Variants in KCNIP1 observed in about 807,000 individuals in gnomAD.
KCNIP1 encodes potassium voltage-gated channel interacting protein 1.
KCNIP1 carries 18 observed loss-of-function variants against 33.0 expected under a neutral mutation model. The observed-to-expected ratio is 0.55, with a 90% confidence interval of 0.38 to 0.81. The LOEUF (loss-of-function observed/expected upper bound fraction) is 0.81, where lower values mean the gene tolerates loss of function less well. Among genes scored for constraint, KCNIP1 ranks in the 30% least tolerant of loss-of-function variants. The pLI, the probability that KCNIP1 is intolerant of heterozygous loss-of-function variation, is 0.00. For synonymous variants in KCNIP1, 93 were observed against 98.3 expected, an observed-to-expected ratio of 0.95 and a Z score of 0.32; for missense variants, 238 against 271.6, an observed-to-expected ratio of 0.88 and a Z score of 0.87.
intron 1 of KCNIP1, among the ~76,000 whole-genome samples, chr5:170,666,325 T>A (rs1217822344): frequency 6.6e-6 from 1 of 152,138 alleles, no homozygotes; most frequent in Non-Finnish European, 1.5e-5. Context: ...TTTGTGTGTG[T>A]TTGCGTGTGT....
At chr5:170,378,647 T>A in intron 1 of KCNIP1, 1 of 1,532,442 alleles carries the variant, frequency 6.5e-7, no homozygotes, top group South Asian at 1.3e-5. Flanking sequence ...GGAGCAGCCC[T>A]GGGGGCCCAG....
intron 1 of KCNIP1, among the ~76,000 whole-genome samples, chr5:170,555,200 C>T (rs183464892): frequency 2.0e-4 from 31 of 152,244 alleles, no homozygotes; most frequent in African/African-American, 7.5e-4. Flanking sequence ...CTCAGGAGAT[C>T]GCAGGCGGGC....
At chr5:170,580,374 C>T (rs925451088) in intron 1 of KCNIP1, among the ~76,000 whole-genome samples, 1 of 152,214 alleles carries the variant, frequency 6.6e-6, no homozygotes, top group Admixed American at 6.5e-5. Context: ...TCTTAGCCAA[C>T]TTCATCCTTG....
At chr5:170,631,769 G>T (rs1232142514) in intron 1 of KCNIP1, among the ~76,000 whole-genome samples, 1 of 152,192 alleles carries the variant, frequency 6.6e-6, no homozygotes, top group African/African-American at 2.4e-5. Context: ...TCTCCCAGGG[G>T]CCTCTGGGCT....
At chr5:170,637,705 TCTC>T (rs746783869) in intron 1 of KCNIP1, among the ~76,000 whole-genome samples, 11 of 152,056 alleles carry the variant, frequency 7.2e-5, no homozygotes, top group Non-Finnish European at 1.6e-4. Flanking sequence ...AGATAACAAC[TCTC>T]CTCTCCTTCC....
intron 1 of KCNIP1, among the ~76,000 whole-genome samples, chr5:170,610,660 A>G (rs1033379671): frequency 6.6e-6 from 1 of 152,240 alleles, no homozygotes; most frequent in Non-Finnish European, 1.5e-5. Context: ...TTCATGTATA[A>G]GAGGAAAATG....
rs1581425646 is a variant in KCNIP1 at position 170,634,562 on chromosome 5, A to G, written c.62-84196A>G. Among the ~76,000 whole-genome samples, 5 of 152,318 alleles carry G rather than the reference A, an allele frequency of 3.3e-5. 1 individual carries two copies. In the South Asian group the frequency reaches 6.2e-4, roughly 19 times the overall value. ...TGGCAAGAGATAGAATTTTGGAGTC[A>G]TTGGCACGGAAATCCACAAAACGAC... On this transcript the variant is annotated intron_variant, in intron 1 of 7. Transcript: ENST00000328939.
At chr5:170,437,776 C>A (rs1191710006) in intron 1 of KCNIP1, among the ~76,000 whole-genome samples, 4 of 152,232 alleles carry the variant, frequency 2.6e-5, no homozygotes, top group African/African-American at 9.6e-5. Context: ...TCTTCCCTCT[C>A]TCAGATGGAA....
At chr5:170,571,184 C>G (rs1757393749) in intron 1 of KCNIP1, among the ~76,000 whole-genome samples, 1 of 152,226 alleles carries the variant, frequency 6.6e-6, no homozygotes, top group East Asian at 1.9e-4. Context: ...CTCCCTCTTC[C>G]CCCACATTGT....
rs922098809 is a variant in KCNIP1 at position 170,583,183 on chromosome 5, G to T, written c.61+78550G>T. Among the ~76,000 whole-genome samples the T allele has an allele frequency of 2.0e-5, 3 of 152,124 alleles. No individual in the cohort carries two copies. The South Asian group carries it at 6.2e-4, about 32-fold the overall frequency. On this transcript the variant is annotated intron_variant, in intron 1 of 7. Transcript: ENST00000328939. ...GTGCTAAGTGCAGAGAAGGTCCAGC[G>T]CCCTGCCTGTTTTTCACTTGCATTC... is the stretch of plus-strand genomic sequence containing the variant.
At chr5:170,402,930 AT>A (rs1754945505) in intron 1 of KCNIP1, among the ~76,000 whole-genome samples, 1 of 152,226 alleles carries the variant, frequency 6.6e-6, no homozygotes, top group Admixed American at 6.5e-5. Context: ...GTCACAGAGC[AT>A]TTAAGTCACA....
At chr5:170,713,995 G>C (rs1337637369) in intron 1 of KCNIP1, among the ~76,000 whole-genome samples, 5 of 151,716 alleles carry the variant, frequency 3.3e-5, no homozygotes, top group Non-Finnish European at 5.9e-5. Context: ...TTGCACTCCA[G>C]CTTGGGCAAC....
At chr5:170,690,941 GGAT>G (rs772693791) in intron 1 of KCNIP1, among the ~76,000 whole-genome samples, 22 of 152,302 alleles carry the variant, frequency 1.4e-4, no homozygotes, top group Non-Finnish European at 2.6e-4. Flanking sequence ...TTATAGTAGT[GGAT>G]GATATCTAAG....
intron 1 of KCNIP1, among the ~76,000 whole-genome samples, chr5:170,410,522 T>C (rs902928452): frequency 4.6e-5 from 7 of 152,094 alleles, no homozygotes; most frequent in African/African-American, 1.7e-4. Context: ...TTTTCTTTTT[T>C]AGCTCATCTT....
chr5:170,379,228 G>C (rs1423411680), intron 1 of KCNIP1, among the ~76,000 whole-genome samples: 1 of 152,152 alleles, frequency 6.6e-6, no homozygotes, highest in Admixed American at 6.5e-5. Context: ...TCCTACCTTG[G>C]AGTCCTGGCT....
chr5:170,367,309 C>T (rs181396522), intron 1 of KCNIP1, among the ~76,000 whole-genome samples: 84 of 131,156 alleles, frequency 6.4e-4, no homozygotes, highest in African/African-American at 1.8e-3. Context: ...AGCAAAACTC[C>T]GTCTCAAAAA....
intron 1 of KCNIP1, among the ~76,000 whole-genome samples, chr5:170,554,475 T>G (rs1756769524): frequency 6.6e-6 from 1 of 152,192 alleles, no homozygotes; most frequent in South Asian, 2.1e-4. Context: ...TGTATAAAAT[T>G]GGGCCAGGAT....
chr5:170,405,274 A>G (rs1755005868), intron 1 of KCNIP1, among the ~76,000 whole-genome samples: 1 of 151,776 alleles, frequency 6.6e-6, no homozygotes, highest in Admixed American at 6.6e-5. Flanking sequence ...GGCATACTGT[A>G]ACCTCCGCCT....
intron 1 of KCNIP1, among the ~76,000 whole-genome samples, chr5:170,598,179 T>C (rs1169726214): frequency 6.6e-6 from 1 of 152,148 alleles, no homozygotes; most frequent in Non-Finnish European, 1.5e-5. Context: ...AGCTCATTCA[T>C]CTGCCTTCCA....
Sources: allele counts gnomAD v4.1 joint callset (sites outside exome capture counted in the v4.1 genomes callset), GRCh38; gene constraint gnomAD v4.1.1; transcripts MANE v1.5; gene names NCBI Gene and HGNC (gene_info 2026-07-23, HGNC 2026-07-21).